The following CAMTA1 variants were observed in gnomAD, a reference collection of about 807,000 sequenced individuals.
CAMTA1 encodes calmodulin binding transcription activator 1, also known as calmodulin-binding transcription activator 1.
A neutral mutation model predicts 170.9 loss-of-function variants in CAMTA1; 27 were observed. The observed-to-expected ratio is 0.16, with a 90% CI of 0.12 to 0.22. CAMTA1 has a LOEUF of 0.22. Among genes scored for constraint, CAMTA1 ranks in the 10% least tolerant of loss-of-function variants. CAMTA1 has a pLI of 1.00. For synonymous variants in CAMTA1, 833 were observed against 891.5 expected (o/e 0.93, Z 1.17); for missense variants, 1,619 against 2,217.2 (o/e 0.73, Z 5.42).
In CAMTA1 at chr1:7,636,212, A is replaced by G. The variant is rs1022153078; in HGVS notation, c.511-4188A>G. Among the ~76,000 whole-genome samples the G allele has an allele frequency of 7.4e-4, 113 of 152,142 alleles. 1 individual carries two copies. The highest frequency in any genetic ancestry group is 2.7e-3 in the African/African-American group (110 of 41,494). ...TGAAAGGGGTAGATCTGGATGCTACAATCCCTACATTTGTAGTTACTGAAG... is the reference window on the plus strand; with the variant it reads ...TGAAAGGGGTAGATCTGGATGCTACGATCCCTACATTTGTAGTTACTGAAG... On this transcript the variant is annotated intron_variant, in intron 6 of 22. Transcript: ENST00000303635.
At chr1:7,103,487 G>C (rs185509316) in intron 4 of CAMTA1, among the ~76,000 whole-genome samples, 2 of 121,962 alleles carry the variant, frequency 1.6e-5, no homozygotes, top group African/African-American at 6.8e-5. Context: ...CACTACACAC[G>C]TACACACAAC....
chr1:7,182,950 A>G (rs562706264), intron 4 of CAMTA1, among the ~76,000 whole-genome samples: 1 of 152,322 alleles, frequency 6.6e-6, no homozygotes, highest in South Asian at 2.1e-4. Flanking sequence ...AATCCCACAC[A>G]TTGCTGGGGG....
At position 6,934,076 on chromosome 1, in the gene CAMTA1, C is replaced by T. The variant is rs1684892655; in HGVS notation, c.234+108866C>T. 6.6e-6 allele frequency among the ~76,000 whole-genome samples: 1 copy of T among 152,212 alleles called. No homozygotes were observed. Among genetic ancestry groups the T allele is most frequent in the African/African-American group, 2.4e-5 (1 of 41,462 alleles). ...TCTCTGCAGATGGCCTCTTCTGGAG[C>T]TATGCCACCTGCTGTCCTGCCACAC... On this transcript the variant is annotated intron_variant, in intron 3 of 22. Coordinates refer to ENST00000303635, the MANE Select transcript of CAMTA1 (RefSeq NM_015215.4). This position sits in a 1 kb window ranked among gnomAD's most constrained non-coding sequence, Gnocchi z 4.5.
rs146880714 is a variant in CAMTA1, at chr1:6,887,527, A to G, written c.234+62317A>G. The G allele has an allele frequency of 2.2e-6, 3 of 1,389,102 alleles. No individual in the cohort carries two copies. In the African/African-American group the frequency reaches 4.3e-5, roughly 20 times the overall value. 86.0% of individuals were successfully genotyped at this position (1,389,102 alleles called of 1,614,324 possible). A position where few individuals can be genotyped will look rare whatever the true frequency, so the allele number is the denominator to read the frequency against. On this transcript the variant is annotated intron_variant, in intron 3 of 22. Transcript: ENST00000303635. This position sits in a 1 kb window ranked among gnomAD's most constrained non-coding sequence, Gnocchi z 4.1. ...ATACGTATGTGTGTGTTTAATATAT[A>G]CTTTAGTTTGCCTTTACCCAGATGT...
intron 4 of CAMTA1, among the ~76,000 whole-genome samples, chr1:7,097,055 C>T (rs1255994905): frequency 6.6e-6 from 1 of 152,180 alleles, no homozygotes; most frequent in East Asian, 1.9e-4. Context: ...CTCGAATGCC[C>T]TCATGTCCAA....
At chr1:7,116,143 CT>C (rs1644315788) in intron 4 of CAMTA1, among the ~76,000 whole-genome samples, 1 of 152,174 alleles carries the variant, frequency 6.6e-6, no homozygotes, top group African/African-American at 2.4e-5. Flanking sequence ...TTTTCCCTGT[CT>C]TTCCTCCTTG....
At chr1:7,722,846 G>T (rs563660387) in intron 11 of CAMTA1, among the ~76,000 whole-genome samples, 1 of 152,108 alleles carries the variant, frequency 6.6e-6, no homozygotes, top group Non-Finnish European at 1.5e-5. Context: ...ACTTTGGAAG[G>T]CTGAGGCAGG....
chr1:7,078,007 CAT>C (rs1491371045), intron 3 of CAMTA1, among the ~76,000 whole-genome samples: 1 of 152,104 alleles, frequency 6.6e-6, no homozygotes, highest in Non-Finnish European at 1.5e-5. Context: ...CACACACACA[CAT>C]ACACACACTC....
chr1:7,311,305 C>A lies in CAMTA1; in HGVS notation c.438+61679C>A, dbSNP rs558654781. On this transcript the variant is annotated intron_variant, in intron 5 of 22. Transcript: ENST00000303635. ...CTAGGCTCTGCTCATTTTTTAAAAT[C>A]TTTTTTATTCTCTCTTATTCAGATT... Among the ~76,000 whole-genome samples, 285 of 152,170 alleles carry A rather than the reference C, an allele frequency of 1.9e-3. 1 individual carries two copies. Among genetic ancestry groups the A allele is most frequent in the African/African-American group, 6.6e-3 (273 of 41,526 alleles).
At chr1:7,257,250 C>T (rs960166780) in intron 5 of CAMTA1, among the ~76,000 whole-genome samples, 1 of 152,160 alleles carries the variant, frequency 6.6e-6, no homozygotes, top group Non-Finnish European at 1.5e-5. Context: ...TTATCTGCAT[C>T]ATCTCATTCA....
chr1:7,582,617 T>C (rs1167751692), intron 6 of CAMTA1, among the ~76,000 whole-genome samples: 1 of 152,196 alleles, frequency 6.6e-6, no homozygotes, highest in African/African-American at 2.4e-5. Flanking sequence ...CAGCAGCTTC[T>C]GGTCCAGTGT....
At chr1:7,528,906 T>C (rs2094460623) in intron 6 of CAMTA1, among the ~76,000 whole-genome samples, 1 of 152,204 alleles carries the variant, frequency 6.6e-6, no homozygotes, top group Admixed American at 6.5e-5. Flanking sequence ...TGTGAGAATG[T>C]GTTCCATGCC....
chr1:7,058,091 CT>C (rs1707637131), intron 3 of CAMTA1, among the ~76,000 whole-genome samples: 1 of 152,192 alleles, frequency 6.6e-6, no homozygotes, highest in Non-Finnish European at 1.5e-5. Context: ...CCCTTCCTCT[CT>C]TTCCCCTCAC....
rs1649991328 is a variant in CAMTA1 at position 7,173,046 on chromosome 1, T to C, written c.303-76445T>C. Among the ~76,000 whole-genome samples the C allele has an allele frequency of 6.6e-6, 1 of 152,224 alleles. No individual in the cohort carries two copies. Among genetic ancestry groups the C allele is most frequent in the East Asian group, 1.9e-4 (1 of 5,184 alleles). On this transcript the variant is annotated intron_variant, in intron 4 of 22. Transcript: ENST00000303635. The surrounding 1 kb of genome is among the most constrained non-coding windows in gnomAD (Gnocchi z 5.4). Reference sequence around the variant, plus strand: ...TGCTGGAGCGTGGCTGGGGACAGGCTGTGCGGGAGGCGCAGGGGTGAGGCT... The same window carrying C: ...TGCTGGAGCGTGGCTGGGGACAGGCCGTGCGGGAGGCGCAGGGGTGAGGCT...
intron 5 of CAMTA1, among the ~76,000 whole-genome samples, chr1:7,381,606 A>T (rs1226708492): frequency 1.3e-5 from 2 of 151,696 alleles, no homozygotes; most frequent in African/African-American, 4.9e-5. Context: ...ATAGTGCCGC[A>T]ATAAACACAT....
intron 4 of CAMTA1, among the ~76,000 whole-genome samples, chr1:7,115,812 C>G (rs1644299728): frequency 6.6e-6 from 1 of 152,086 alleles, no homozygotes; most frequent in South Asian, 2.1e-4. Flanking sequence ...CCATGCAAGG[C>G]AGTCAAGCAG....
intron 1 of CAMTA1, among the ~76,000 whole-genome samples, chr1:6,809,151 C>A (rs1056560370): frequency 6.6e-6 from 1 of 151,800 alleles, no homozygotes; most frequent in African/African-American, 2.4e-5. Context: ...CTCAGCCTCC[C>A]GAGTAGCTGG....
chr1:6,994,265 A>G (rs1307564421), intron 3 of CAMTA1, among the ~76,000 whole-genome samples: 1 of 152,130 alleles, frequency 6.6e-6, no homozygotes, highest in East Asian at 1.9e-4. Flanking sequence ...ACTTTGGAAG[A>G]TCTTTGTTTC....
chr1:7,736,976 C>G lies in CAMTA1; in HGVS notation c.3309C>G (p.Pro1103=). 6.2e-7 allele frequency: 1 copy of G among 1,613,586 alleles called. No homozygotes were observed. Among genetic ancestry groups the G allele is most frequent in the South Asian group, 1.1e-5 (1 of 90,916 alleles). ...DSIDLELEVD[P]LNVDHFSCTP... Reference sequence around the variant, plus strand: ...TTGACCTGGAACTGGAAGTTGACCCCTTGAATGTGGACCACTTCTCCTGTA... The same window carrying G: ...TTGACCTGGAACTGGAAGTTGACCCGTTGAATGTGGACCACTTCTCCTGTA... The change falls in exon 14 of 23, where the codon CCC becomes CCG. Residue 1103 remains proline, a synonymous_variant. Coordinates refer to ENST00000303635, the MANE Select transcript of CAMTA1 (RefSeq NM_015215.4). The surrounding 1 kb of genome is among the most constrained non-coding windows in gnomAD (Gnocchi z 4.5).
Sources: allele counts gnomAD v4.1 joint callset (sites outside exome capture counted in the v4.1 genomes callset), GRCh38; gene constraint gnomAD v4.1.1; non-coding constraint Gnocchi (gnomAD v3.1); transcripts MANE v1.5; gene names NCBI Gene and HGNC (gene_info 2026-07-23, HGNC 2026-07-21).